The following DGLUCY variants were observed in gnomAD, a reference collection of about 807,000 sequenced individuals.
DGLUCY encodes the protein D-glutamate cyclase, mitochondrial.
Under a neutral mutation model 58.5 loss-of-function variants are expected in DGLUCY, and 58 were observed. The ratio of observed to expected loss-of-function variants is 0.99; its 90% CI spans 0.80 to 1.23. The LOEUF is 1.23. Ranked by LOEUF, DGLUCY falls within the 50% of genes most tolerant of loss-of-function variation. The probability of loss-of-function intolerance (pLI) is 0.00; values close to 1 mark genes in which losing one functional copy is unlikely to be tolerated. For synonymous variants in DGLUCY, 325 were observed against 314.1 expected, an observed-to-expected ratio of 1.03 and a Z score of -0.37; for missense variants, 779 against 784.7, an observed-to-expected ratio of 0.99 and a Z score of 0.09.
intron 12 of DGLUCY, among the ~76,000 whole-genome samples, chr14:91,213,078 G>A (rs1885942909): frequency 6.6e-6 from 1 of 151,582 alleles, no homozygotes; most frequent in South Asian, 2.1e-4. Flanking sequence ...CCAGGTTACA[G>A]TGAGCTATGA....
intron 12 of DGLUCY, 78 bp from the exon 13 acceptor site, chr14:91,215,326 TA>T: frequency 6.5e-7 from 1 of 1,534,072 alleles, no homozygotes; most frequent in Non-Finnish European, 8.8e-7. Context: ...GTCCTGCAGA[TA>T]GTTCTGCTTC....
intron 1 of DGLUCY, among the ~76,000 whole-genome samples, chr14:91,143,531 A>T (rs2046852318): frequency 6.6e-6 from 1 of 152,220 alleles, no homozygotes; most frequent in Non-Finnish European, 1.5e-5. Context: ...CCTGGTCTCC[A>T]ACCGTTTCTC....
At position 91,174,115 on chromosome 14, in the gene DGLUCY, T is replaced by A. The variant is rs577739331; in HGVS notation, c.607+676T>A. Reference sequence around the variant, plus strand: ...CTGATGGTTTAATCAATCATGCTCATGTAATGAAGCCTCCGTAAAACCCCA... The same window carrying A: ...CTGATGGTTTAATCAATCATGCTCAAGTAATGAAGCCTCCGTAAAACCCCA... On this transcript the variant is annotated intron_variant, in intron 6 of 13. Coordinates refer to ENST00000256324, the MANE Select transcript of DGLUCY (RefSeq NM_001102368.3). Among the ~76,000 whole-genome samples the A allele has an allele frequency of 3.3e-5, 5 of 152,072 alleles. No homozygotes were observed. The South Asian group carries it at 1.0e-3, about 32-fold the overall frequency.
Position 91,160,414 on chromosome 14 carries a change from A to T in DGLUCY, c.103+17A>T. ...TGGCTGGAGGTAAGTGGTGCCAGATAGTTAAAAAAAAAAAAAAAAAAAAAA... is the reference window on the plus strand; with the variant it reads ...TGGCTGGAGGTAAGTGGTGCCAGATTGTTAAAAAAAAAAAAAAAAAAAAAA... On this transcript the variant is annotated intron_variant, in intron 3 of 13. Transcript: ENST00000256324. 60 of 722,278 alleles carry T rather than the reference A, an allele frequency of 8.3e-5. No homozygotes were observed. The highest frequency in any genetic ancestry group is 1.2e-4 in the Non-Finnish European group (56 of 480,984). 44.7% of individuals were successfully genotyped at this position (722,278 alleles called of 1,614,324 possible). A position where few individuals can be genotyped will look rare whatever the true frequency, so the allele number is the denominator to read the frequency against.
In DGLUCY at chr14:91,215,103, C is replaced by T. The variant is rs185169753; in HGVS notation, c.1565-302C>T. ...GGCAGAGGTTGCAGTGAGCCGAGAT[C>T]GCACCACTACACTCCAGCCTGGGCA... On this transcript the variant is annotated intron_variant, in intron 12 of 13. Transcript: ENST00000256324. 3.7e-3 allele frequency among the ~76,000 whole-genome samples: 556 copies of T among 152,228 alleles called. 2 individuals are homozygous for T. The highest frequency in any genetic ancestry group is 0.017 in the South Asian group (84 of 4,818).
At chr14:91,131,356 A>T (rs2046013684) in intron 1 of DGLUCY, among the ~76,000 whole-genome samples, 1 of 149,576 alleles carries the variant, frequency 6.7e-6, no homozygotes, top group African/African-American at 2.5e-5. Flanking sequence ...TATCTTCTCT[A>T]GGAAACCTTT....
intron 11 of DGLUCY, among the ~76,000 whole-genome samples, chr14:91,201,283 G>T (rs1595904709): frequency 6.7e-6 from 1 of 148,744 alleles, no homozygotes; most frequent in Non-Finnish European, 1.5e-5. Context: ...CTTAGCTTGG[G>T]CTCAGAGGCC....
rs2044497600 is a variant in DGLUCY at position 91,102,092 on chromosome 14, A to AT, written c.-82+41391dup. Among the ~76,000 whole-genome samples the AT allele has an allele frequency of 2.6e-5, 4 of 152,178 alleles. No homozygotes were observed. In the South Asian group the frequency reaches 8.3e-4, roughly 31 times the overall value. On this transcript the variant is annotated intron_variant, in intron 1 of 4. Transcript: ENST00000521334. ...AGTGGTAGATATCTCAGTTACCTTG[A>AT]TTTGACTATATGAATGTATCAAATT...
At chr14:91,096,243 G>A (rs1235187976) in intron 1 of DGLUCY, among the ~76,000 whole-genome samples, 3 of 152,050 alleles carry the variant, frequency 2.0e-5, no homozygotes, top group Non-Finnish European at 2.9e-5. Context: ...GCAAAACCCC[G>A]TTTCTACTAA....
chr14:91,159,351 G>T (rs761802266), intron 2 of DGLUCY, among the ~76,000 whole-genome samples: 62 of 152,206 alleles, frequency 4.1e-4, no homozygotes, highest in Non-Finnish European at 7.8e-4. Flanking sequence ...GGTGGCTGAG[G>T]CATGAGAATC....
intron 1 of DGLUCY, among the ~76,000 whole-genome samples, chr14:91,134,634 C>T (rs575155481): frequency 1.3e-4 from 20 of 152,050 alleles, no homozygotes; most frequent in African/African-American, 2.2e-4. Flanking sequence ...GACAGGGTTT[C>T]GCCATGTTGC....
intron 1 of DGLUCY, among the ~76,000 whole-genome samples, chr14:91,155,765 C>G (rs941476488): frequency 1.5e-4 from 23 of 149,680 alleles, no homozygotes; most frequent in African/African-American, 5.4e-4. Context: ...CCACTGCACT[C>G]TAGCCTGGGC....
rs575669040 is a variant in DGLUCY, at chr14:91,089,787, C to T, written c.-82+29083C>T. 1.6e-4 allele frequency among the ~76,000 whole-genome samples: 24 copies of T among 151,090 alleles called. No homozygotes were observed. In the East Asian group the frequency reaches 4.5e-3, roughly 28 times the overall value. ...AGTGAGCCGAGATCACGCCACTACACTCCAGCATGGGTGACAGAGTGAGAC... is the reference window on the plus strand; with the variant it reads ...AGTGAGCCGAGATCACGCCACTACATTCCAGCATGGGTGACAGAGTGAGAC... On this transcript the variant is annotated intron_variant, in intron 1 of 4. Coordinates refer to the DGLUCY transcript ENST00000521334.
In DGLUCY at chr14:91,184,836, G is replaced by T. The variant is rs1367572069; in HGVS notation, c.934+3447G>T. Among the ~76,000 whole-genome samples, 4 of 152,128 alleles carry T rather than the reference G, an allele frequency of 2.6e-5. 1 individual carries two copies. Among genetic ancestry groups the T allele is most frequent in the Non-Finnish European group, 5.9e-5 (4 of 68,020 alleles). ...GGTTGTTCATTCATTAGTTCATTCTGTAGAGAATGTGGTTTCCTTTACATA... is the reference window on the plus strand; with the variant it reads ...GGTTGTTCATTCATTAGTTCATTCTTTAGAGAATGTGGTTTCCTTTACATA... On this transcript the variant is annotated intron_variant, in intron 8 of 13. Coordinates refer to ENST00000256324, the MANE Select transcript of DGLUCY (RefSeq NM_001102368.3).
At chr14:91,128,940 T>A (rs1319620922) in intron 1 of DGLUCY, 2 of 151,798 alleles carry the variant, frequency 1.3e-5, no homozygotes, top group Non-Finnish European at 2.9e-5. Flanking sequence ...GCAGCCCTTC[T>A]GGGTTGGGGG....
At chr14:91,198,077 C>T (rs1356805831) in intron 10 of DGLUCY, among the ~76,000 whole-genome samples, 1 of 152,218 alleles carries the variant, frequency 6.6e-6, no homozygotes, top group African/African-American at 2.4e-5. Flanking sequence ...GAATCTTGCT[C>T]TGTCGCCCAG....
chr14:91,144,619 T>C (rs757486593), intron 1 of DGLUCY, among the ~76,000 whole-genome samples: 3 of 152,094 alleles, frequency 2.0e-5, no homozygotes, highest in Non-Finnish European at 4.4e-5. Context: ...CAGGAATCCA[T>C]CCCTGCCTGC....
intron 4 of DGLUCY, among the ~76,000 whole-genome samples, chr14:91,168,904 C>T (rs1022178217): frequency 1.3e-5 from 2 of 152,142 alleles, no homozygotes; most frequent in African/African-American, 4.8e-5. Context: ...CTGGCCAACG[C>T]GGTGAAACGC....
At position 91,196,397 on chromosome 14, in the gene DGLUCY, G is replaced by A. The variant is rs147223382; in HGVS notation, c.1218G>A (p.Pro406=). 1,508 of 1,614,054 alleles carry A rather than the reference G, an allele frequency of 9.3e-4. 3 individuals carry two copies. Among genetic ancestry groups the A allele is most frequent in the Non-Finnish European group, 1.2e-3 (1,437 of 1,180,002 alleles). Residue 406 remains proline, a synonymous_variant, in exon 10 of 14, where the codon CCG becomes CCA. Transcript: ENST00000256324. ...AAGGTGTTCTGAAGACGCAGATCCC[G>A]ATATTAACTTACCAAGGTGGATCAG... The part of the protein sequence containing the change: ...VEQGVLKTQI[P]ILTYQGGSVE...
Sources: allele counts gnomAD v4.1 joint callset (sites outside exome capture counted in the v4.1 genomes callset), GRCh38; gene constraint gnomAD v4.1.1; transcripts MANE v1.5; gene names NCBI Gene and HGNC (gene_info 2026-07-23, HGNC 2026-07-21).